PRKN: variants seen among roughly 807,000 people sequenced by gnomAD.
PRKN encodes parkin RBR E3 ubiquitin protein ligase.
A neutral mutation model predicts 59.5 loss-of-function variants in PRKN; 56 were observed. That is an observed-to-expected ratio of 0.94 (90% confidence interval 0.76 to 1.18). The LOEUF (loss-of-function observed/expected upper bound fraction) is 1.18. PRKN is among the 50% of genes most tolerant of loss of function. The pLI, the probability that PRKN is intolerant of heterozygous loss-of-function variation, is 0.00. For missense variants in PRKN, 657 were observed against 596.4 expected (o/e 1.10, Z -1.06); for synonymous variants, 250 against 222.1 (o/e 1.13, Z -1.12).
intron 6 of PRKN, among the ~76,000 whole-genome samples, chr6:161,961,179 C>T (rs1272404454): frequency 6.6e-6 from 1 of 152,156 alleles, no homozygotes; most frequent in Admixed American, 6.5e-5. Context: ...CCTGTGCAGT[C>T]TGGAACACCA....
At chr6:162,375,408 T>G (rs888829769) in intron 2 of PRKN, among the ~76,000 whole-genome samples, 2 of 151,946 alleles carry the variant, frequency 1.3e-5, no homozygotes, top group East Asian at 3.9e-4. Flanking sequence ...AACTCCTGTT[T>G]TTTTTTTTTT....
intron 4 of PRKN, among the ~76,000 whole-genome samples, chr6:162,190,566 AC>A (rs1489413122): frequency 6.6e-6 from 1 of 152,090 alleles, no homozygotes; most frequent in Non-Finnish European, 1.5e-5. Context: ...TCCGTTTCCC[AC>A]CCGGCTTTAC....
chr6:161,948,186 C>G (rs369303069), intron 6 of PRKN, among the ~76,000 whole-genome samples: 48 of 152,208 alleles, frequency 3.2e-4, no homozygotes, highest in East Asian at 3.1e-3. Flanking sequence ...GGGATTTCAC[C>G]ATGTTGGCCA....
At chr6:162,416,630 G>T (rs1370485412) in intron 2 of PRKN, among the ~76,000 whole-genome samples, 1 of 151,982 alleles carries the variant, frequency 6.6e-6, no homozygotes, top group Non-Finnish European at 1.5e-5. Flanking sequence ...CACCATTTTT[G>T]GTTTCTAGAC....
In PRKN at chr6:161,360,347, C is replaced by A. The variant is rs1784926994; in HGVS notation, c.1168-142G>T. 4.1e-6 allele frequency: 3 copies of A among 736,366 alleles called. No homozygotes were observed. Among genetic ancestry groups the A allele is most frequent in the South Asian group, 1.5e-5 (1 of 68,374 alleles). The allele number at this position is 736,366 out of a possible 1,614,324, so 45.6% of individuals were successfully genotyped here. On this transcript the variant is annotated intron_variant, in intron 10 of 11. Transcript: ENST00000366898. The surrounding 1 kb of genome is among the most constrained non-coding windows in gnomAD (Gnocchi z 5.1). ...GAAGCCTAAATATCAATGCACTTGA[C>A]AAATGCTAGACAGCTACTAGGCGGA...
chr6:161,803,441 G>C (rs1791173940), intron 6 of PRKN, among the ~76,000 whole-genome samples: 1 of 152,174 alleles, frequency 6.6e-6, no homozygotes, highest in African/African-American at 2.4e-5. Context: ...GTGCTTGTTT[G>C]GTGAGGCCTG....
rs1554251151 is a variant in PRKN, at chr6:161,352,755, G to GTATATATATATATATA, written c.1286-2560_1286-2545dup. Among the ~76,000 whole-genome samples, 319 of 134,350 alleles carry GTATATATATATATATA rather than the reference G, an allele frequency of 2.4e-3. 2 individuals are homozygous for GTATATATATATATATA. The highest frequency in any genetic ancestry group is 8.4e-3 in the African/African-American group (299 of 35,760). 88.1% of individuals were successfully genotyped at this position (134,350 alleles called of 152,430 possible). On this transcript the variant is annotated intron_variant, in intron 11 of 11. Coordinates refer to ENST00000366898, the MANE Select transcript of PRKN (RefSeq NM_004562.3). This position sits in a 1 kb window ranked among gnomAD's most constrained non-coding sequence, Gnocchi z 5.8. Reference sequence around the variant, plus strand: ...TGTGTGTGTGTGTGTGTGTGTGTGTGTATATATATATATATATTTTATTTT... The same window carrying GTATATATATATATATA: ...TGTGTGTGTGTGTGTGTGTGTGTGTGTATATATATATATATATATATATATATATATATTTTATTTT...
At chr6:162,126,731 A>C (rs560093058) in intron 4 of PRKN, among the ~76,000 whole-genome samples, 1 of 152,304 alleles carries the variant, frequency 6.6e-6, no homozygotes, top group Non-Finnish European at 1.5e-5. Flanking sequence ...CTCTGGATCT[A>C]TCAAGAAATA....
At chr6:162,563,024 C>T (rs1207480321) in intron 1 of PRKN, among the ~76,000 whole-genome samples, 5 of 152,190 alleles carry the variant, frequency 3.3e-5, no homozygotes, top group East Asian at 1.9e-4. Context: ...GCAAGAGAGC[C>T]GGGCGCAGTG....
At chr6:162,156,584 C>T (rs2849586) in intron 4 of PRKN, among the ~76,000 whole-genome samples, 142,739 of 152,180 alleles carry the variant, frequency 0.94, 67,444 homozygotes, top group Non-Finnish European at 1. Flanking sequence ...ACTCAGCCAG[C>T]CTGCTCTTTC....
chr6:161,415,310 C>T (rs928949676), intron 9 of PRKN, among the ~76,000 whole-genome samples: 2 of 151,530 alleles, frequency 1.3e-5, no homozygotes, highest in African/African-American at 4.8e-5. Flanking sequence ...AGATTACGAA[C>T]ATTTTCAAGA....
At chr6:162,336,292 C>A (rs1783843131) in intron 2 of PRKN, among the ~76,000 whole-genome samples, 1 of 152,086 alleles carries the variant, frequency 6.6e-6, no homozygotes, top group Non-Finnish European at 1.5e-5. Context: ...TTCTTTTTCA[C>A]TAGAAAGATG....
At chr6:161,666,249 G>C (rs960131764) in intron 7 of PRKN, among the ~76,000 whole-genome samples, 11 of 152,316 alleles carry the variant, frequency 7.2e-5, no homozygotes, top group Middle Eastern at 3.4e-3. Context: ...CCAGAGGTGA[G>C]TGGGTGAGCG....
chr6:162,511,300 T>C (rs1348662491), intron 1 of PRKN, among the ~76,000 whole-genome samples: 2 of 152,212 alleles, frequency 1.3e-5, no homozygotes, highest in East Asian at 1.9e-4. Context: ...CAAATTGAAA[T>C]GGCAACATGA....
intron 2 of PRKN, among the ~76,000 whole-genome samples, chr6:162,416,466 T>G (rs1013860257): frequency 3.3e-5 from 5 of 152,204 alleles, no homozygotes; most frequent in Non-Finnish European, 4.4e-5. Flanking sequence ...AGTCACTAGA[T>G]TTCCTTCCTT....
At position 162,464,745 on chromosome 6, in the gene PRKN, C is replaced by T. The variant is rs532093412; in HGVS notation, c.8-21272G>A. Among the ~76,000 whole-genome samples the T allele has an allele frequency of 4.0e-3, 597 of 151,028 alleles. 3 individuals are homozygous for T. Among genetic ancestry groups the T allele is most frequent in the African/African-American group, 0.014 (561 of 41,122 alleles). ...TCAGGAGGCTGAGGCAGGAGAATGG[C>T]GTGAACCCAGAAGGCGGAGCTTGCA... On this transcript the variant is annotated intron_variant, in intron 1 of 11. Transcript: ENST00000366898.
At chr6:161,586,805 G>C (rs1781538243) in intron 7 of PRKN, among the ~76,000 whole-genome samples, 1 of 152,146 alleles carries the variant, frequency 6.6e-6, no homozygotes, top group Non-Finnish European at 1.5e-5. Flanking sequence ...AAAAGTTCCT[G>C]AAGAATTACA....
At position 162,553,945 on chromosome 6, in the gene PRKN, G is replaced by A. The variant is rs1048306432; in HGVS notation, c.8-110472C>T. 2.9e-4 allele frequency among the ~76,000 whole-genome samples: 44 copies of A among 152,184 alleles called. No homozygotes were observed. The East Asian group carries it at 8.1e-3, about 28-fold the overall frequency. On this transcript the variant is annotated intron_variant, in intron 1 of 11. Transcript: ENST00000366898. ...GATAAAGACAGGAGTCATGGCAGGA[G>A]GGCTGGGGAAGGAGAGAAAGCGGCG...
chr6:162,331,421 T>C (rs1583392870), intron 2 of PRKN, among the ~76,000 whole-genome samples: 3 of 152,230 alleles, frequency 2.0e-5, no homozygotes, highest in East Asian at 3.8e-4. Context: ...ATTTCATTTA[T>C]GTATCCATCC....
Sources: gnomAD v4.1 joint callset for allele counts (sites outside exome capture counted in the v4.1 genomes callset) on GRCh38, gnomAD v4.1.1 for gene constraint, Gnocchi (gnomAD v3.1) non-coding constraint, MANE v1.5 for transcripts, NCBI Gene and HGNC (gene_info 2026-07-23, HGNC 2026-07-21) for gene names.